The following TRPM3 variants were observed in gnomAD, a reference collection of about 807,000 sequenced individuals.
TRPM3 encodes transient receptor potential cation channel subfamily M member 3.
TRPM3 carries 77 observed loss-of-function variants against 181.2 expected under a neutral mutation model. The ratio of observed to expected loss-of-function variants is 0.42; its 90% CI spans 0.35 to 0.51. The LOEUF (loss-of-function observed/expected upper bound fraction) is 0.51, where lower values mean the gene tolerates loss of function less well. Ranked by LOEUF, TRPM3 falls within the 20% of genes least tolerant of loss-of-function variation. The pLI is 0.01. For missense variants in TRPM3, 1,759 were observed against 2,196.7 expected (o/e 0.80, Z 3.98); for synonymous variants, 745 against 796.4 (o/e 0.94, Z 1.09).
intron 1 of TRPM3, among the ~76,000 whole-genome samples, chr9:71,011,146 C>T (rs555060741): frequency 6.6e-6 from 1 of 152,068 alleles, no homozygotes; most frequent in Non-Finnish European, 1.5e-5. Flanking sequence ...GAGTGCTTAC[C>T]AGAGGCTGGG....
At chr9:71,408,352 T>C (rs976397550) in intron 1 of TRPM3, among the ~76,000 whole-genome samples, 4 of 152,048 alleles carry the variant, frequency 2.6e-5, no homozygotes, top group African/African-American at 9.7e-5. Flanking sequence ...GCTAAAAACC[T>C]TGAAAAAAGA....
intron 1 of TRPM3, among the ~76,000 whole-genome samples, chr9:71,278,288 G>A (rs1484251053): frequency 6.6e-6 from 1 of 152,188 alleles, no homozygotes; most frequent in Non-Finnish European, 1.5e-5. Context: ...TAAATTCCAT[G>A]GAAGAGTGGT....
intron 1 of TRPM3, among the ~76,000 whole-genome samples, chr9:71,409,470 A>AT (rs2131438804): frequency 6.6e-6 from 1 of 152,190 alleles, no homozygotes; most frequent in East Asian, 1.9e-4. Flanking sequence ...CTAGTCTCTG[A>AT]TAAAACAGAC....
At position 70,536,904 on chromosome 9, in the gene TRPM3, A is replaced by G; in HGVS notation, c.4209T>C (p.Pro1403=). ...TACACGATGATGGTCTTCTGGAATC[A>G]GGAACAATGGCCAAGGTGTTGGCAG... is the stretch of plus-strand genomic sequence containing the variant. ...AAPANTLAIV[P]DSRRPSSCID... Residue 1403 remains proline, a synonymous_variant, in exon 26 of 26, where the codon CCT becomes CCC. Coordinates refer to ENST00000677713, the MANE Select transcript of TRPM3 (RefSeq NM_001366145.2). The G allele has an allele frequency of 1.2e-6, 2 of 1,614,246 alleles. No homozygotes were observed. Among genetic ancestry groups the G allele is most frequent in the Non-Finnish European group, 1.7e-6 (2 of 1,180,044 alleles).
chr9:71,035,443 C>T (rs2058064165), intron 1 of TRPM3, among the ~76,000 whole-genome samples: 1 of 152,164 alleles, frequency 6.6e-6, no homozygotes, highest in Non-Finnish European at 1.5e-5. Flanking sequence ...TGGCAATGTG[C>T]GGCAGCTCAT....
intron 1 of TRPM3, among the ~76,000 whole-genome samples, chr9:70,864,984 C>T (rs1308977384): frequency 6.9e-6 from 1 of 145,440 alleles, no homozygotes; most frequent in Non-Finnish European, 1.5e-5. Context: ...AATTGCATAA[C>T]TCAAAAGCCC....
At chr9:70,846,860 C>T (rs937902438) in intron 3 of TRPM3, among the ~76,000 whole-genome samples, 2 of 152,070 alleles carry the variant, frequency 1.3e-5, no homozygotes, top group African/African-American at 2.4e-5. Flanking sequence ...TTTCCCAGAC[C>T]GAGTTCTTTG....
chr9:70,538,292 A>G (rs1193798047), intron 25 of TRPM3, among the ~76,000 whole-genome samples: 1 of 152,120 alleles, frequency 6.6e-6, no homozygotes, highest in Non-Finnish European at 1.5e-5. Context: ...TTTAAAATTA[A>G]ATTAAATTAA....
rs570270169 is a variant in TRPM3 at position 71,005,234 on chromosome 9, T to A, written c.177+115944A>T. On this transcript the variant is annotated intron_variant, in intron 1 of 25. Transcript: ENST00000677713. ...CCAGCCTGACCAACATGAACAAACC[T>A]CATTTCTACTAAAAATACAAAATTA... 3.3e-5 allele frequency among the ~76,000 whole-genome samples: 5 copies of A among 152,128 alleles called. No homozygotes were observed. In the South Asian group the frequency reaches 1.0e-3, roughly 32 times the overall value.
chr9:70,572,565 C>T (rs1056253416), intron 22 of TRPM3, among the ~76,000 whole-genome samples: 1 of 152,114 alleles, frequency 6.6e-6, no homozygotes, highest in Admixed American at 6.5e-5. Context: ...GACTTTGGCA[C>T]TTAGTGTTGA....
chr9:71,390,648 T>C (rs1172202423), intron 1 of TRPM3, among the ~76,000 whole-genome samples: 2 of 151,964 alleles, frequency 1.3e-5, no homozygotes, highest in Non-Finnish European at 2.9e-5. Context: ...TGTCTATAAA[T>C]GTATGAATTA....
At chr9:71,345,100 G>T (rs979893955) in intron 1 of TRPM3, among the ~76,000 whole-genome samples, 1 of 152,210 alleles carries the variant, frequency 6.6e-6, no homozygotes. Context: ...ACAGATTCTG[G>T]AGAGGATGTG....
chr9:71,189,370 T>C (rs2077872302), intron 1 of TRPM3, among the ~76,000 whole-genome samples: 1 of 151,872 alleles, frequency 6.6e-6, no homozygotes, highest in Non-Finnish European at 1.5e-5. Context: ...TTTGTATACG[T>C]ATGTTGTTTT....
chr9:70,535,447 A>G lies in TRPM3; in HGVS notation c.*506T>C. 1 of 1,550,556 alleles carries G rather than the reference A, an allele frequency of 6.4e-7. No individual in the cohort carries two copies. The highest frequency in any genetic ancestry group is 8.7e-7 in the Non-Finnish European group (1 of 1,146,998). On this transcript the variant is annotated 3_prime_UTR_variant, in exon 26 of 26. Coordinates refer to ENST00000677713, the MANE Select transcript of TRPM3 (RefSeq NM_001366145.2). ...TGCCGGCTTATACTGAATAAAGAGG[A>G]TGCTCTTCATCAGTCACCAGTGATG...
intron 1 of TRPM3, among the ~76,000 whole-genome samples, chr9:71,320,474 G>C (rs2089114000): frequency 1.3e-5 from 2 of 152,124 alleles, no homozygotes; most frequent in South Asian, 2.1e-4. Flanking sequence ...CAAGAGAAGG[G>C]AAAAATATCC....
chr9:71,058,486 G>A (rs1435339715), intron 1 of TRPM3, among the ~76,000 whole-genome samples: 1 of 151,992 alleles, frequency 6.6e-6, no homozygotes, highest in Non-Finnish European at 1.5e-5. Flanking sequence ...TTTCAGAAAT[G>A]GAGAGTAGGA....
intron 1 of TRPM3, among the ~76,000 whole-genome samples, chr9:71,349,977 A>ATG (rs2091520523): frequency 3.2e-5 from 1 of 31,466 alleles, no homozygotes; most frequent in African/African-American, 7.6e-5. Context: ...GCATATATAT[A>ATG]TATATATATA....
chr9:71,287,756 A>G, intron 1 of TRPM3, among the ~76,000 whole-genome samples: 1 of 152,146 alleles, frequency 6.6e-6, no homozygotes, highest in Non-Finnish European at 1.5e-5. Flanking sequence ...AGACCTATAC[A>G]TGTGTTATTT....
chr9:70,951,274 T>C (rs896244786), intron 1 of TRPM3, among the ~76,000 whole-genome samples: 1 of 152,222 alleles, frequency 6.6e-6, no homozygotes, highest in Non-Finnish European at 1.5e-5. Context: ...TTCAATTTTA[T>C]TCTAGTACAT....
Sources: allele counts gnomAD v4.1 joint callset (sites outside exome capture counted in the v4.1 genomes callset), GRCh38; gene constraint gnomAD v4.1.1; transcripts MANE v1.5; gene names NCBI Gene and HGNC (gene_info 2026-07-23, HGNC 2026-07-21).